NHEJ1: variants seen among roughly 807,000 people sequenced by gnomAD.
The protein encoded by NHEJ1 is non-homologous end joining factor 1.
In NHEJ1, 22 loss-of-function variants were observed where a neutral mutation model predicts 39.4. That is an observed-to-expected ratio of 0.56 (90% CI 0.40 to 0.80). The LOEUF is 0.80. Among genes scored for constraint, NHEJ1 ranks in the 30% least tolerant of loss-of-function variants. The probability of loss-of-function intolerance (pLI) is 0.00; values close to 1 mark genes in which losing one functional copy is unlikely to be tolerated. For missense variants in NHEJ1, 329 were observed against 357.1 expected (o/e 0.92, Z 0.63); for synonymous variants, 154 against 135.6 (o/e 1.14, Z -0.94).
At position 219,070,806 on chromosome 2, in the gene NHEJ1, G is replaced by C. The variant is rs1401425209; in HGVS notation, c.*5575C>G. Reference sequence around the variant, plus strand: ...AGATTTAATTCACACCTATGAAAGAGGGCAACACAACAGACATTACCACTA... The same window carrying C: ...AGATTTAATTCACACCTATGAAAGACGGCAACACAACAGACATTACCACTA... On this transcript the variant is annotated 3_prime_UTR_variant, in exon 8 of 8. Transcript: ENST00000356853. 6.6e-6 allele frequency among the ~76,000 whole-genome samples: 1 copy of C among 152,052 alleles called. No individual in the cohort carries two copies. The highest frequency in any genetic ancestry group is 6.5e-5 in the Admixed American group (1 of 15,268).
Position 219,147,654 on chromosome 2 carries a change from T to C in NHEJ1, c.529+3A>G, listed in dbSNP as rs1949754427. 10 of 1,614,174 alleles carry C rather than the reference T, an allele frequency of 6.2e-6. No individual in the cohort carries two copies. The highest frequency in any genetic ancestry group is 8.5e-6 in the Non-Finnish European group (10 of 1,180,016). ...CCCAACTCCTCCAAGAATGTCCTCT[T>C]ACCTCGAATCAGCGTAGCCCCACTC... is the stretch of plus-strand genomic sequence containing the variant. On this transcript the variant is annotated splice_donor_region_variant and intron_variant, in intron 4 of 7. Coordinates refer to ENST00000356853, the MANE Select transcript of NHEJ1 (RefSeq NM_024782.3).
intron 5 of NHEJ1, among the ~76,000 whole-genome samples, chr2:219,094,029 T>C (rs1254058598): frequency 6.6e-6 from 1 of 152,110 alleles, no homozygotes; most frequent in Non-Finnish European, 1.5e-5. Flanking sequence ...TTCCAGGAAA[T>C]CAAGACTGGC....
At position 219,071,977 on chromosome 2, in the gene NHEJ1, GAGCCCAGA is replaced by G; in HGVS notation, c.*4396_*4403del. 6.6e-6 allele frequency among the ~76,000 whole-genome samples: 1 copy of G among 152,320 alleles called. No individual in the cohort carries two copies. Among genetic ancestry groups the G allele is most frequent in the Non-Finnish European group, 1.5e-5 (1 of 68,010 alleles). ...CCTATGTGCTAGGATAGAGAACTGA[GAGCCCAGA>G]GCTGAGAGGATACATAAAAGGCCAC... is the stretch of plus-strand genomic sequence containing the variant. On this transcript the variant is annotated 3_prime_UTR_variant, in exon 8 of 8. Coordinates refer to ENST00000356853, the MANE Select transcript of NHEJ1 (RefSeq NM_024782.3).
Position 219,137,595 on chromosome 2 carries a change from A to AAAAAAAAAC in NHEJ1, c.588+9084_588+9085insGTTTTTTTT, listed in dbSNP as rs143557047. Among the ~76,000 whole-genome samples, 169 of 82,690 alleles carry AAAAAAAAAC rather than the reference A, an allele frequency of 2.0e-3. 7 individuals carry two copies. Among genetic ancestry groups the AAAAAAAAAC allele is most frequent in the Non-Finnish European group, 3.6e-3 (117 of 32,930 alleles). 54.2% of individuals were successfully genotyped at this position (82,690 alleles called of 152,430 possible). A position where few individuals can be genotyped will look rare whatever the true frequency, so the allele number is the denominator to read the frequency against. On this transcript the variant is annotated intron_variant, in intron 5 of 7. Transcript: ENST00000356853. ...CAAAAAAAAAAAAAAAAAAAAAACA[A>AAAAAAAAAC]AAAAAACTGAAAACCACCTTCAGAA...
intron 5 of NHEJ1, among the ~76,000 whole-genome samples, chr2:219,130,969 A>G (rs984396282): frequency 7.2e-5 from 11 of 151,986 alleles, no homozygotes; most frequent in Non-Finnish European, 4.4e-5. Flanking sequence ...GTACATGCCT[A>G]TTGTCCCAGC....
At chr2:219,158,122 T>G in intron 2 of NHEJ1, 64 bp downstream of exon 2, 2 of 1,573,880 alleles carry the variant, frequency 1.3e-6, no homozygotes, top group Non-Finnish European at 1.7e-6. Flanking sequence ...CTTGGGAAAC[T>G]ACAGGCCAGC....
chr2:219,074,417 C>T lies in NHEJ1; in HGVS notation c.*1964G>A, dbSNP rs1222233305. Among the ~76,000 whole-genome samples the T allele has an allele frequency of 6.6e-6, 1 of 152,090 alleles. No individual in the cohort carries two copies. Among genetic ancestry groups the T allele is most frequent in the Non-Finnish European group, 1.5e-5 (1 of 68,016 alleles). On this transcript the variant is annotated 3_prime_UTR_variant, in exon 8 of 8. Transcript: ENST00000356853. ...CCATTTTCCATGTGCCTTGTAGATACTGAAATCTGACTATCTAAATTATGC... is the reference window on the plus strand; with the variant it reads ...CCATTTTCCATGTGCCTTGTAGATATTGAAATCTGACTATCTAAATTATGC...
chr2:219,082,490 T>A (rs1224186087), intron 5 of NHEJ1, among the ~76,000 whole-genome samples: 2 of 152,174 alleles, frequency 1.3e-5, no homozygotes, highest in African/African-American at 2.4e-5. Context: ...GTAATCTGCC[T>A]CTCCTCCCTG....
Position 219,111,139 on chromosome 2 carries a change from A to G in NHEJ1, c.589-32933T>C, listed in dbSNP as rs911619406. Among the ~76,000 whole-genome samples, 4 of 152,156 alleles carry G rather than the reference A, an allele frequency of 2.6e-5. No individual in the cohort carries two copies. The highest frequency in any genetic ancestry group is 5.9e-5 in the Non-Finnish European group (4 of 68,034). ...TTAACTAAGGACCAGAGGGGGGAAA[A>G]TCATTTTAAAGATGATTTTAGAACT... On this transcript the variant is annotated intron_variant, in intron 5 of 7. Transcript: ENST00000356853. The surrounding 1 kb of genome is among the most constrained non-coding windows in gnomAD (Gnocchi z 4.1).
chr2:219,144,224 A>G (rs1949715318), intron 5 of NHEJ1, among the ~76,000 whole-genome samples: 2 of 152,110 alleles, frequency 1.3e-5, no homozygotes, highest in African/African-American at 2.4e-5. Flanking sequence ...AATCTGTATA[A>G]AATCCCCCTA....
intron 5 of NHEJ1, among the ~76,000 whole-genome samples, chr2:219,122,462 A>G (rs767080396): frequency 2.6e-5 from 4 of 152,196 alleles, no homozygotes; most frequent in African/African-American, 9.7e-5. Context: ...AAGTACTTAA[A>G]TATGTTAGTT....
intron 5 of NHEJ1, among the ~76,000 whole-genome samples, chr2:219,106,799 TACAG>T (rs1949317937): frequency 6.6e-6 from 1 of 152,244 alleles, no homozygotes; most frequent in South Asian, 2.1e-4. Context: ...AAAGAAAAAG[TACAG>T]ACAGTCAGCA....
chr2:219,097,013 G>A (rs1949215217), intron 5 of NHEJ1, among the ~76,000 whole-genome samples: 1 of 152,004 alleles, frequency 6.6e-6, no homozygotes, highest in South Asian at 2.1e-4. Context: ...GATTTTTTTG[G>A]CTTTACAATG....
rs1559206035 is a variant in NHEJ1 at position 219,159,516 on chromosome 2, T to TATATATATATGC, written c.1-1155_1-1154insGCATATATATAT. Among the ~76,000 whole-genome samples, 274 of 51,870 alleles carry TATATATATATGC rather than the reference T, an allele frequency of 5.3e-3. 19 individuals are homozygous for TATATATATATGC. Among genetic ancestry groups the TATATATATATGC allele is most frequent in the African/African-American group, 0.017 (265 of 15,330 alleles). 34.0% of individuals were successfully genotyped at this position (51,870 alleles called of 152,430 possible). ...CCTTGTGACTTGTGACATAACTTTATATATATATGCATATATATATGCATA... is the reference window on the plus strand; with the variant it reads ...CCTTGTGACTTGTGACATAACTTTATATATATATATGCATATATATGCATATATATATGCATA... On this transcript the variant is annotated intron_variant, in intron 1 of 7. Transcript: ENST00000356853.
At chr2:219,108,004 C>A (rs1021397889) in intron 5 of NHEJ1, among the ~76,000 whole-genome samples, 1 of 152,098 alleles carries the variant, frequency 6.6e-6, no homozygotes, top group Non-Finnish European at 1.5e-5. Context: ...GTCCGCTCAG[C>A]GACTGCGCCA....
intron 5 of NHEJ1, among the ~76,000 whole-genome samples, chr2:219,115,234 C>A (rs906630283): frequency 6.6e-6 from 1 of 151,976 alleles, no homozygotes; most frequent in African/African-American, 2.4e-5. Flanking sequence ...TGTTTTTCCA[C>A]CAGTGGAACT....
chr2:219,141,395 G>A (rs1328155647), intron 5 of NHEJ1, among the ~76,000 whole-genome samples: 1 of 151,086 alleles, frequency 6.6e-6, no homozygotes, highest in East Asian at 1.9e-4. Context: ...AAAAAAGCAG[G>A]GGGGGAGTGG....
chr2:219,121,283 C>T (rs1302562941), intron 5 of NHEJ1, among the ~76,000 whole-genome samples: 1 of 151,892 alleles, frequency 6.6e-6, no homozygotes, highest in Admixed American at 6.6e-5. Flanking sequence ...TAAAAATTCT[C>T]TCTACTTCAA....
chr2:219,152,789 T>TTTATTTA (rs1949809667), intron 3 of NHEJ1, among the ~76,000 whole-genome samples: 4 of 87,736 alleles, frequency 4.6e-5, no homozygotes, highest in African/African-American at 1.1e-4. Context: ...ATTTATTTAT[T>TTTATTTA]TTTATTTATT....
Sources: allele counts gnomAD v4.1 joint callset (sites outside exome capture counted in the v4.1 genomes callset), GRCh38; gene constraint gnomAD v4.1.1; non-coding constraint Gnocchi (gnomAD v3.1); transcripts MANE v1.5; gene names NCBI Gene and HGNC (gene_info 2026-07-23, HGNC 2026-07-21).